PNN: variants seen among roughly 807,000 people sequenced by gnomAD.
PNN encodes the protein pinin, desmosome associated protein, also known as pinin.
A neutral mutation model predicts 76.6 loss-of-function variants in PNN; 38 were observed. The ratio of observed to expected loss-of-function variants is 0.50; its 90% CI spans 0.38 to 0.65. The LOEUF (loss-of-function observed/expected upper bound fraction) is 0.65, where lower values mean the gene tolerates loss of function less well. Ranked by LOEUF, PNN falls within the 30% of genes least tolerant of loss-of-function variation. The pLI, the probability that PNN is intolerant of heterozygous loss-of-function variation, is 0.00. For synonymous variants in PNN, 366 were observed against 283.7 expected, an observed-to-expected ratio of 1.29 and a Z score of -2.91; for missense variants, 873 against 874.1, an observed-to-expected ratio of 1.00 and a Z score of 0.02.
intron 3 of PNN, 66 bp downstream of exon 3, chr14:39,176,661 T>G (rs2053227812): frequency 2.2e-6 from 2 of 892,292 alleles, no homozygotes; most frequent in Non-Finnish European, 3.5e-6. Context: ...ATATAAATGT[T>G]TATTAACAAT....
At chr14:39,180,102 C>G (rs542290177) in intron 8 of PNN, among the ~76,000 whole-genome samples, 1 of 152,230 alleles carries the variant, frequency 6.6e-6, no homozygotes, top group East Asian at 1.9e-4. Flanking sequence ...AAAACCAACT[C>G]AGTTTCTAGA....
Position 39,181,414 on chromosome 14 carries a change from AAAAC to A in PNN, c.1708_1711del (p.Thr570AlafsTer90). 1 of 1,614,220 alleles carries A rather than the reference AAAAC, an allele frequency of 6.2e-7. No individual in the cohort carries two copies. The highest frequency in any genetic ancestry group is 8.5e-7 in the Non-Finnish European group (1 of 1,180,026). On this transcript the variant is annotated frameshift_variant, in exon 9 of 9. Coordinates refer to ENST00000216832, the MANE Select transcript of PNN (RefSeq NM_002687.4). LOFTEE classifies it high-confidence loss of function. ...CAGAAGTAGAGGTCGAGCTAGAAAT[AAAAC>A]AAGCAAGAGTAGAAGTCGAAGCAGT...
intron 1 of PNN, 120 bp downstream of exon 1, chr14:39,175,512 C>T: frequency 1.4e-6 from 1 of 690,630 alleles, no homozygotes; most frequent in Non-Finnish European, 2.6e-6. Flanking sequence ...GGCCTGTTCG[C>T]GGGGCGGCGG....
chr14:39,182,575 C>T lies in PNN; in HGVS notation c.*712C>T, dbSNP rs1479723311. 1 of 152,458 alleles carries T rather than the reference C, an allele frequency of 6.6e-6. No individual in the cohort carries two copies. 9.4% of individuals were successfully genotyped at this position (152,458 alleles called of 1,614,324 possible). A position where few individuals can be genotyped will look rare whatever the true frequency, so the allele number is the denominator to read the frequency against. ...ATTTTCTTCCTGATGATGGGAGCGT[C>T]ATTCTTTTGTCTTCATGGTTACTTG... is the stretch of plus-strand genomic sequence containing the variant. On this transcript the variant is annotated 3_prime_UTR_variant, in exon 9 of 9. Transcript: ENST00000216832.
At chr14:39,177,942 TC>T in intron 6 of PNN, 26 bp downstream of exon 6, 1 of 1,402,156 alleles carries the variant, frequency 7.1e-7, no homozygotes, top group African/African-American at 1.4e-5. Context: ...TTGTTTTGCA[TC>T]ATATATTTAA....
Position 39,175,424 on chromosome 14 carries a change from G to A in PNN, c.113+32G>A, listed in dbSNP as rs1056998311. ...GCCTAACGGGAACTCGGAACTCGGA[G>A]CTCGGAGAGGCAGCCCTCAGGTCGG... On this transcript the variant is annotated intron_variant, in intron 1 of 8. Coordinates refer to ENST00000216832, the MANE Select transcript of PNN (RefSeq NM_002687.4). The A allele has an allele frequency of 4.5e-6, 6 of 1,331,590 alleles. No individual in the cohort carries two copies. The Admixed American group carries it at 8.5e-5, about 19-fold the overall frequency. 82.5% of individuals were successfully genotyped at this position (1,331,590 alleles called of 1,614,324 possible).
rs1371127734 is a variant in PNN at position 39,181,247 on chromosome 14, C to T, written c.1538C>T (p.Thr513Ile). ...EDLSLAVLQP[T>I]PQVTQEQGHL... The stretch of plus-strand genomic sequence containing the variant: ...TTGTCATTAGCTGTTTTACAGCCAA[C>T]ACCCCAAGTTACTCAGGAGCAAGGG... Residue 513 changes from threonine to isoleucine, a missense_variant, in exon 9 of 9, where the codon ACA becomes ATA. Physicochemically the swap from Thr to Ile is moderately conservative, Grantham distance 89. Coordinates refer to ENST00000216832, the MANE Select transcript of PNN (RefSeq NM_002687.4). The T allele has an allele frequency of 6.2e-7, 1 of 1,614,164 alleles. No individual in the cohort carries two copies. Among genetic ancestry groups the T allele is most frequent in the Non-Finnish European group, 8.5e-7 (1 of 1,180,012 alleles).
At position 39,180,691 on chromosome 14, in the gene PNN, G is replaced by A. The variant is rs147900033; in HGVS notation, c.982G>A (p.Asp328Asn). Residue 328 changes from aspartate to asparagine, a missense_variant, in exon 9 of 9, where the codon GAT (aspartate) becomes AAT (asparagine). Asp to Asn is a conservative substitution (Grantham distance 23). Coordinates refer to ENST00000216832, the MANE Select transcript of PNN (RefSeq NM_002687.4). The stretch of plus-strand genomic sequence containing the variant: ...GGAGGAGACAGGTAATCAGCACAAT[G>A]ATGTAGAAATAGAGGAAGCAGGAGA... ...ELEETGNQHN[D>N]VEIEEAGEEE... The A allele has an allele frequency of 2.5e-6, 4 of 1,607,752 alleles. No individual in the cohort carries two copies. The highest frequency in any genetic ancestry group is 3.4e-6 in the Non-Finnish European group (4 of 1,176,466).
chr14:39,176,481 T>G (rs1326566608), intron 2 of PNN, 46 bp from the exon 3 acceptor site: 1 of 1,338,728 alleles, frequency 7.5e-7, no homozygotes, highest in Non-Finnish European at 1.1e-6. Flanking sequence ...GAAATACCAT[T>G]TATCTTGTAT....
Position 39,180,587 on chromosome 14 carries a change from A to C in PNN, c.878A>C (p.Lys293Thr). Residue 293 changes from lysine (K) to threonine (T), a missense_variant, in exon 9 of 9, where the codon AAA (lysine) becomes ACA (threonine). Lys to Thr is a moderately conservative substitution (Grantham distance 78). This residue lies in a region of PNN where 712 missense variants were observed against 693.1 expected (regional missense o/e 1.03). Coordinates refer to ENST00000216832, the MANE Select transcript of PNN (RefSeq NM_002687.4). ...ARPRRQSMKE[K>T]EHQVVRNEEQ... ...CCTAGAAGACAATCAATGAAGGAAA[A>C]AGAGCATCAGGTGGTGCGTAATGAA... 6.2e-7 allele frequency: 1 copy of C among 1,614,146 alleles called. No homozygotes were observed. The highest frequency in any genetic ancestry group is 8.5e-7 in the Non-Finnish European group (1 of 1,180,024).
chr14:39,176,061 T>A lies in PNN; in HGVS notation c.114-17T>A, dbSNP rs55880223. On this transcript the variant is annotated splice_polypyrimidine_tract_variant and intron_variant, in intron 1 of 8. Transcript: ENST00000216832. Reference sequence around the variant, plus strand: ...TGTCTACATATGATTTTGCACTGATTTGTAAATCTTTTACAGGCCCATCCA... The same window carrying A: ...TGTCTACATATGATTTTGCACTGATATGTAAATCTTTTACAGGCCCATCCA... The A allele has an allele frequency of 0.07, 105,756 of 1,505,848 alleles. 4,138 individuals carry two copies. Among genetic ancestry groups the A allele is most frequent in the African/African-American group, 0.11 (8,316 of 72,764 alleles). The allele number at this position is 1,505,848 out of a possible 1,614,324, so 93.3% of individuals were successfully genotyped here.
chr14:39,181,108 G>A lies in PNN; in HGVS notation c.1399G>A (p.Glu467Lys), dbSNP rs372686191. 6.2e-6 allele frequency: 10 copies of A among 1,613,510 alleles called. No homozygotes were observed. The African/African-American group carries it at 1.1e-4, about 17-fold the overall frequency. ...TGAGGAAAAAGAAGAAAAAGAATCTGAGCCCCAACCTGAGCCTGTGGCTCA... is the reference window on the plus strand; with the variant it reads ...TGAGGAAAAAGAAGAAAAAGAATCTAAGCCCCAACCTGAGCCTGTGGCTCA... The part of the protein sequence containing the change: ...ESEEKEEKES[E>K]PQPEPVAQPQ... Residue 467 changes from glutamate (E) to lysine (K), a missense_variant, in exon 9 of 9, where the codon GAG (glutamate) becomes AAG (lysine). By Grantham distance (56) the Glu-to-Lys change is moderately conservative. Around this residue, in one of 3 missense-constraint regions of PNN, gnomAD observed 712 missense variants for 693.1 expected, o/e 1.03. Coordinates refer to ENST00000216832, the MANE Select transcript of PNN (RefSeq NM_002687.4).
rs1382241238 is a variant in PNN, at chr14:39,177,694, C to T, written c.422+7C>T. On this transcript the variant is annotated splice_region_variant and intron_variant, in intron 5 of 8. Transcript: ENST00000216832. ...ATGAAAAGGGAAAGCAAAGGTATTTCCCTGGGGGAAAAAAACTCTAGTGAA... is the reference window on the plus strand; with the variant it reads ...ATGAAAAGGGAAAGCAAAGGTATTTTCCTGGGGGAAAAAAACTCTAGTGAA... 70 of 1,599,086 alleles carry T rather than the reference C, an allele frequency of 4.4e-5. No individual in the cohort carries two copies. The highest frequency in any genetic ancestry group is 5.6e-5 in the Non-Finnish European group (65 of 1,166,558).
chr14:39,180,652 C>T lies in PNN; in HGVS notation c.943C>T (p.Arg315Ter). ...ACAAGAAGAGGGTAAGGTGGCTCAG[C>T]GAGAGGAAGAGTTGGAGGAGACAGG... ...AEQEEGKVAQREEELEETGNQ... is the reference protein window; with the variant it reads ...AEQEEGKVAQ Residue 315 changes from arginine (R) to a stop codon, truncating the protein, a stop_gained, in exon 9 of 9, where the codon CGA becomes TGA. Transcript: ENST00000216832. LOFTEE classifies it high-confidence loss of function. 1.9e-6 allele frequency: 3 copies of T among 1,612,540 alleles called. No homozygotes were observed. Among genetic ancestry groups the T allele is most frequent in the Non-Finnish European group, 2.5e-6 (3 of 1,179,350 alleles).
At chr14:39,178,522 A>T (rs2053246154) in intron 6 of PNN, among the ~76,000 whole-genome samples, 1 of 151,484 alleles carries the variant, frequency 6.6e-6, no homozygotes. Flanking sequence ...CAGGCGCAAA[A>T]CTCCATCTCA....
At position 39,176,613 on chromosome 14, in the gene PNN, T is replaced by A; in HGVS notation, c.254+18T>A. 1 of 1,485,324 alleles carries A rather than the reference T, an allele frequency of 6.7e-7. No homozygotes were observed. The highest frequency in any genetic ancestry group is 9.3e-7 in the Non-Finnish European group (1 of 1,075,526). 92.0% of individuals were successfully genotyped at this position (1,485,324 alleles called of 1,614,324 possible). Reference sequence around the variant, plus strand: ...GTCAGTAGGTAGGTTTAAAAAAAGATTCCTGAAGGCTTCTTTAGTTTCTGA... The same window carrying A: ...GTCAGTAGGTAGGTTTAAAAAAAGAATCCTGAAGGCTTCTTTAGTTTCTGA... On this transcript the variant is annotated intron_variant, in intron 3 of 8. Transcript: ENST00000216832.
At position 39,181,867 on chromosome 14, in the gene PNN, A is replaced by G; in HGVS notation, c.*4A>G. ...CAGGAAAGACAAAAGGCGTTAATGGAAGAAGCCAGGCTTTCTTAGCCATTC... is the reference window on the plus strand; with the variant it reads ...CAGGAAAGACAAAAGGCGTTAATGGGAGAAGCCAGGCTTTCTTAGCCATTC... On this transcript the variant is annotated 3_prime_UTR_variant, in exon 9 of 9. Transcript: ENST00000216832. 6.4e-7 allele frequency: 1 copy of G among 1,563,482 alleles called. No individual in the cohort carries two copies. The highest frequency in any genetic ancestry group is 1.4e-5 in the African/African-American group (1 of 72,692).
chr14:39,178,329 C>T (rs181032764), intron 6 of PNN, among the ~76,000 whole-genome samples: 1 of 152,118 alleles, frequency 6.6e-6, no homozygotes, highest in African/African-American at 2.4e-5. Flanking sequence ...AGAAGTTTTT[C>T]GAGACCAGCC....
At chr14:39,175,663 TC>T in intron 1 of PNN, 1 of 499,516 alleles carries the variant, frequency 2.0e-6, no homozygotes, top group Non-Finnish European at 3.5e-6. Context: ...GACTGCTGAT[TC>T]CCGCTCTCGG....
Sources: allele counts gnomAD v4.1 joint callset (sites outside exome capture counted in the v4.1 genomes callset), GRCh38; gene constraint gnomAD v4.1.1; regional missense constraint gnomAD v4.1.1; transcripts MANE v1.5; gene names NCBI Gene and HGNC (gene_info 2026-07-23, HGNC 2026-07-21).